Variants in KCNT2 observed in about 807,000 individuals in gnomAD.
KCNT2 encodes potassium sodium-activated channel subfamily T member 2, also known as potassium channel subfamily T member 2.
KCNT2 carries 67 observed loss-of-function variants against 153.8 expected under a neutral mutation model. The ratio of observed to expected loss-of-function variants is 0.44; its 90% confidence interval spans 0.36 to 0.53. The LOEUF is 0.53. Ranked by LOEUF, KCNT2 falls within the 20% of genes least tolerant of loss-of-function variation. The pLI is 0.00. For missense variants in KCNT2, 975 were observed against 1,354.8 expected (o/e 0.72, Z 4.40); for synonymous variants, 500 against 458.8 (o/e 1.09, Z -1.15).
intron 1 of KCNT2, among the ~76,000 whole-genome samples, chr1:196,507,255 A>G (rs976606664): frequency 1.3e-5 from 2 of 152,162 alleles, no homozygotes; most frequent in Admixed American, 6.6e-5. Flanking sequence ...AAAATGTTAC[A>G]CTTGAGAAAA....
At chr1:196,414,426 A>G (rs183243609) in intron 12 of KCNT2, among the ~76,000 whole-genome samples, 22 of 151,928 alleles carry the variant, frequency 1.4e-4, no homozygotes, top group Admixed American at 7.9e-4. Flanking sequence ...TTAATTTCAC[A>G]TTGTTATTCT....
chr1:196,444,110 GTA>G (rs1557942503), intron 8 of KCNT2, among the ~76,000 whole-genome samples: 1 of 151,372 alleles, frequency 6.6e-6, no homozygotes, highest in African/African-American at 2.4e-5. Flanking sequence ...GAGAGAGAGA[GTA>G]TGTGTGTGTG....
intron 21 of KCNT2, among the ~76,000 whole-genome samples, chr1:196,310,124 A>G (rs959724539): frequency 6.6e-6 from 1 of 151,904 alleles, no homozygotes; most frequent in African/African-American, 2.4e-5. Context: ...AGCAAAAAAC[A>G]CAAATATAAG....
At position 196,573,433 on chromosome 1, in the gene KCNT2, GT is replaced by G. The variant is rs903918396; in HGVS notation, c.95+34781del. Among the ~76,000 whole-genome samples the G allele has an allele frequency of 4.7e-4, 71 of 151,392 alleles. 1 individual carries two copies. Among genetic ancestry groups the G allele is most frequent in the Middle Eastern group, 3.4e-3 (1 of 294 alleles). ...GCACTACATTTAATTGCTGAATCAT[GT>G]TTTTTTTTAAAGTTCATGATGGGAA... On this transcript the variant is annotated intron_variant, in intron 1 of 27. Transcript: ENST00000294725.
intron 14 of KCNT2, among the ~76,000 whole-genome samples, chr1:196,347,976 G>A (rs1018310201): frequency 6.6e-6 from 1 of 152,078 alleles, no homozygotes; most frequent in African/African-American, 2.4e-5. Context: ...TATGAGAAAA[G>A]GGATCATGTA....
intron 1 of KCNT2, among the ~76,000 whole-genome samples, chr1:196,522,763 G>C (rs1284194873): frequency 1.3e-5 from 2 of 152,168 alleles, no homozygotes; most frequent in Non-Finnish European, 2.9e-5. Context: ...GATTGTAAAT[G>C]CACCAATCAG....
chr1:196,598,161 A>T (rs1159187189), intron 1 of KCNT2, among the ~76,000 whole-genome samples: 6 of 152,194 alleles, frequency 3.9e-5, no homozygotes, highest in Non-Finnish European at 7.4e-5. Context: ...AAAACGTCTT[A>T]GTAAGTTAAC....
rs767847360 is a variant in KCNT2, at chr1:196,340,390, A to G, written c.1734T>C (p.Phe578=). 6.2e-7 allele frequency: 1 copy of G among 1,612,628 alleles called. No individual in the cohort carries two copies. The highest frequency in any genetic ancestry group is 8.5e-7 in the Non-Finnish European group (1 of 1,179,096). The change falls in exon 16 of 28, where the codon TTT becomes TTC. Residue 578 remains phenylalanine (F), a synonymous_variant. Transcript: ENST00000294725. The part of the protein sequence containing the change: ...QQRKSNVSRS[F]YHGPSRLPVH... ...CAGGTAATCTGGAAGGTCCATGATA[A>G]AACGACCTGGACACATTGCTTTTTC...
At chr1:196,562,080 C>A (rs768439535) in intron 1 of KCNT2, among the ~76,000 whole-genome samples, 18 of 151,798 alleles carry the variant, frequency 1.2e-4, no homozygotes, top group Middle Eastern at 6.8e-3. Flanking sequence ...GGTGCCAGGC[C>A]CTTAGTTAAT....
At chr1:196,492,957 G>C (rs1263226480) in intron 1 of KCNT2, among the ~76,000 whole-genome samples, 1 of 152,060 alleles carries the variant, frequency 6.6e-6, no homozygotes, top group East Asian at 1.9e-4. Context: ...AGATTATAAA[G>C]CAAACAACTC....
rs1653495870 is a variant in KCNT2 at position 196,226,426 on chromosome 1, A to G, written c.*1798T>C. ...GTCAAATATATTTCACGTTTATAACATATACACATATATGCATACAATCTT... is the reference window on the plus strand; with the variant it reads ...GTCAAATATATTTCACGTTTATAACGTATACACATATATGCATACAATCTT... On this transcript the variant is annotated 3_prime_UTR_variant, in exon 28 of 28. Coordinates refer to ENST00000294725, the MANE Select transcript of KCNT2 (RefSeq NM_198503.5). 1 of 152,034 alleles carries G rather than the reference A, an allele frequency of 6.6e-6. No individual in the cohort carries two copies. Among genetic ancestry groups the G allele is most frequent in the African/African-American group, 2.4e-5 (1 of 41,458 alleles). 9.4% of individuals were successfully genotyped at this position (152,034 alleles called of 1,614,324 possible). A position where few individuals can be genotyped will look rare whatever the true frequency, so the allele number is the denominator to read the frequency against.
chr1:196,316,202 T>C (rs183632900), intron 20 of KCNT2, among the ~76,000 whole-genome samples, 176 bp from the exon 21 acceptor site: 2 of 151,926 alleles, frequency 1.3e-5, no homozygotes, highest in Non-Finnish European at 2.9e-5. Flanking sequence ...TCTACCAATA[T>C]GAAATAATTT....
At chr1:196,459,533 G>T (rs533777198) in intron 8 of KCNT2, among the ~76,000 whole-genome samples, 1 of 151,914 alleles carries the variant, frequency 6.6e-6, no homozygotes, top group East Asian at 1.9e-4. Context: ...GCTCCATGCA[G>T]TTGCTAGTTC....
chr1:196,505,771 T>G (rs1681085774), intron 1 of KCNT2, among the ~76,000 whole-genome samples: 1 of 151,986 alleles, frequency 6.6e-6, no homozygotes, highest in Non-Finnish European at 1.5e-5. Flanking sequence ...GAGCAGTGGT[T>G]TGTAGTTCTC....
chr1:196,355,683 A>C (rs1667117406), intron 14 of KCNT2, among the ~76,000 whole-genome samples: 1 of 151,758 alleles, frequency 6.6e-6, no homozygotes, highest in African/African-American at 2.4e-5. Context: ...TTACCACCAC[A>C]CACAAAAAAT....
At chr1:196,480,131 T>TA (rs200040206) in intron 4 of KCNT2, among the ~76,000 whole-genome samples, 8,674 of 152,112 alleles carry the variant, frequency 0.057, 386 homozygotes, top group Non-Finnish European at 0.085. Context: ...GAAAAAATAA[T>TA]AAAATTATTC....
intron 26 of KCNT2, among the ~76,000 whole-genome samples, chr1:196,239,554 C>A (rs184857505): frequency 3.7e-4 from 56 of 151,930 alleles, no homozygotes; most frequent in African/African-American, 1.3e-3. Flanking sequence ...ATGGTTCTTA[C>A]AAAATAATTG....
intron 26 of KCNT2, chr1:196,257,347 C>T (rs922154739): frequency 4.1e-6 from 4 of 979,802 alleles, no homozygotes; most frequent in Non-Finnish European, 4.8e-6. Context: ...AAGAACATTG[C>T]CTCATGTTGA....
At chr1:196,463,737 A>T (rs1163544775) in intron 8 of KCNT2, among the ~76,000 whole-genome samples, 4 of 151,762 alleles carry the variant, frequency 2.6e-5, no homozygotes, top group Non-Finnish European at 4.4e-5. Context: ...TTTCTCTAGC[A>T]ATGCTGCATC....
Sources: gnomAD v4.1 joint callset for allele counts (sites outside exome capture counted in the v4.1 genomes callset) on GRCh38, gnomAD v4.1.1 for gene constraint, MANE v1.5 for transcripts, NCBI Gene and HGNC (gene_info 2026-07-23, HGNC 2026-07-21) for gene names.